The following LRRC7 variants were observed in gnomAD, a reference collection of about 807,000 sequenced individuals.
LRRC7 encodes the protein leucine-rich repeat-containing protein 7.
In LRRC7, 23 loss-of-function variants were observed where a neutral mutation model predicts 175.7. The ratio of observed to expected loss-of-function variants is 0.13; its 90% CI spans 0.09 to 0.19. The LOEUF is 0.19. LRRC7 is among the 10% of genes least tolerant of loss of function. LRRC7 has a pLI of 1.00. For missense variants in LRRC7, 1,354 were observed against 1,904.7 expected (o/e 0.71, Z 5.38); for synonymous variants, 685 against 680.9 (o/e 1.01, Z -0.09).
intron 3 of LRRC7, among the ~76,000 whole-genome samples, chr1:69,769,806 C>G (rs78173755): frequency 6.6e-6 from 1 of 152,156 alleles, no homozygotes; most frequent in Non-Finnish European, 1.5e-5. Flanking sequence ...ACTAAAATAA[C>G]AGAAAGTTCT....
At chr1:70,108,524 T>C (rs1665298314) in intron 26 of LRRC7, among the ~76,000 whole-genome samples, 2 of 152,226 alleles carry the variant, frequency 1.3e-5, no homozygotes, top group Admixed American at 1.3e-4. Flanking sequence ...TCACTTCCTA[T>C]ATAAGAGGTG....
chr1:69,800,662 A>G (rs551046124), intron 4 of LRRC7, among the ~76,000 whole-genome samples: 11 of 152,052 alleles, frequency 7.2e-5, no homozygotes, highest in South Asian at 2.1e-4. Flanking sequence ...TTTTCTAGGT[A>G]TAAGATCACA....
intron 7 of LRRC7, among the ~76,000 whole-genome samples, chr1:69,867,863 AC>A (rs1480274704): frequency 1.3e-5 from 2 of 152,194 alleles, no homozygotes; most frequent in African/African-American, 4.8e-5. Context: ...TAGGACAGGT[AC>A]TAGATTAAAA....
At position 70,045,984 on chromosome 1, in the gene LRRC7, TG is replaced by T. The variant is rs1327496051; in HGVS notation, c.4110+1893del. The stretch of plus-strand genomic sequence containing the variant: ...ATTACAATTCAAGGTGATAGTTGGA[TG>T]GGAATACAGCCAAACCATATCAAAC... On this transcript the variant is annotated intron_variant, in intron 22 of 26. Coordinates refer to ENST00000651989, the MANE Select transcript of LRRC7 (RefSeq NM_001370785.2). 2.6e-5 allele frequency among the ~76,000 whole-genome samples: 4 copies of T among 152,218 alleles called. No individual in the cohort carries two copies. The East Asian group carries it at 7.7e-4, about 29-fold the overall frequency.
chr1:69,866,839 G>C (rs1365933240), intron 7 of LRRC7, among the ~76,000 whole-genome samples: 1 of 152,046 alleles, frequency 6.6e-6, no homozygotes, highest in South Asian at 2.1e-4. Flanking sequence ...ATTTATCACT[G>C]CTTGTGATTT....
At chr1:69,707,515 G>A (rs1664192713) in intron 2 of LRRC7, among the ~76,000 whole-genome samples, 1 of 151,864 alleles carries the variant, frequency 6.6e-6, no homozygotes, top group Non-Finnish European at 1.5e-5. Flanking sequence ...GTGTTTCCTG[G>A]TATTCCCTCC....
intron 2 of LRRC7, among the ~76,000 whole-genome samples, chr1:69,721,860 A>C (rs1034520160): frequency 2.0e-5 from 3 of 151,894 alleles, no homozygotes; most frequent in Non-Finnish European, 2.9e-5. Context: ...TTGTGTGAAA[A>C]TATACATAAA....
At chr1:69,984,340 G>A (rs568139296) in intron 9 of LRRC7, among the ~76,000 whole-genome samples, 1 of 152,144 alleles carries the variant, frequency 6.6e-6, no homozygotes, top group Non-Finnish European at 1.5e-5. Flanking sequence ...AAAGTACTTA[G>A]TATAGTGCCA....
chr1:69,713,396 G>A (rs1303824203), intron 2 of LRRC7, among the ~76,000 whole-genome samples: 2 of 152,188 alleles, frequency 1.3e-5, no homozygotes, highest in Admixed American at 6.5e-5. Flanking sequence ...TCTGGAGGCC[G>A]AGGTTGGAGG....
intron 7 of LRRC7, among the ~76,000 whole-genome samples, chr1:69,843,627 AGTACCACCTTTGT>A (rs1169279979): frequency 1.1e-4 from 16 of 152,268 alleles, no homozygotes; most frequent in African/African-American, 3.8e-4. Flanking sequence ...GAAACTCTGT[AGTACCACCTTTGT>A]GAATACCCAA....
intron 4 of LRRC7, among the ~76,000 whole-genome samples, chr1:69,802,105 T>A (rs529333734): frequency 7.9e-5 from 12 of 151,572 alleles, no homozygotes; most frequent in East Asian, 1.9e-4. Flanking sequence ...TCACTTTTTT[T>A]AAATTTATTG....
At chr1:70,064,500 A>G (rs1397284753) in intron 23 of LRRC7, among the ~76,000 whole-genome samples, 1 of 151,770 alleles carries the variant, frequency 6.6e-6, no homozygotes, top group African/African-American at 2.4e-5. Context: ...TTCCCCTCAT[A>G]TATTTTATCA....
chr1:69,799,975 C>T (rs767877713), intron 4 of LRRC7, among the ~76,000 whole-genome samples: 21 of 151,982 alleles, frequency 1.4e-4, no homozygotes, highest in African/African-American at 5.1e-4. Flanking sequence ...TCCAGTTTTC[C>T]CAGCAGCATT....
chr1:69,939,589 AAG>A (rs1241886034), intron 8 of LRRC7, among the ~76,000 whole-genome samples: 2 of 152,136 alleles, frequency 1.3e-5, no homozygotes, highest in South Asian at 2.1e-4. Flanking sequence ...TAGAAATTAG[AAG>A]AGTTAGCTCA....
At chr1:69,652,941 T>C (rs1403545259) in intron 1 of LRRC7, among the ~76,000 whole-genome samples, 1 of 151,646 alleles carries the variant, frequency 6.6e-6, no homozygotes, top group Non-Finnish European at 1.5e-5. Flanking sequence ...CACACAAAAA[T>C]CAACTCAAAA....
chr1:69,810,483 G>A (rs1268829657), intron 4 of LRRC7, among the ~76,000 whole-genome samples: 6 of 152,036 alleles, frequency 3.9e-5, no homozygotes, highest in South Asian at 2.1e-4. Context: ...TAAGCAAAAA[G>A]AACAAACCTG....
chr1:70,039,802 G>C lies in LRRC7; in HGVS notation c.3969+9G>C, dbSNP rs1406473510. On this transcript the variant is annotated intron_variant, in intron 21 of 26. Coordinates refer to ENST00000651989, the MANE Select transcript of LRRC7 (RefSeq NM_001370785.2). ...CTAGACGGTTAGACAGGGTATGTCTGGTGTTTCTCTGTAAGAATATCCCTC... is the reference window on the plus strand; with the variant it reads ...CTAGACGGTTAGACAGGGTATGTCTCGTGTTTCTCTGTAAGAATATCCCTC... 6.4e-7 allele frequency: 1 copy of C among 1,557,198 alleles called. No homozygotes were observed. The highest frequency in any genetic ancestry group is 8.6e-7 in the Non-Finnish European group (1 of 1,156,144).
At chr1:69,797,728 A>G (rs1262475701) in intron 4 of LRRC7, among the ~76,000 whole-genome samples, 1 of 152,136 alleles carries the variant, frequency 6.6e-6, no homozygotes, top group East Asian at 1.9e-4. Flanking sequence ...TTCTCCACAA[A>G]ATAGCTTTAG....
chr1:69,786,556 T>A (rs571276028), intron 3 of LRRC7, among the ~76,000 whole-genome samples: 8 of 152,012 alleles, frequency 5.3e-5, no homozygotes, highest in Non-Finnish European at 7.4e-5. Flanking sequence ...AAGAAAGAGG[T>A]TTGTTGGACT....
Sources: gnomAD v4.1 joint callset for allele counts (sites outside exome capture counted in the v4.1 genomes callset) on GRCh38, gnomAD v4.1.1 for gene constraint, MANE v1.5 for transcripts, NCBI Gene and HGNC (gene_info 2026-07-23, HGNC 2026-07-21) for gene names.